BANK1: variants seen among roughly 807,000 people sequenced by gnomAD.
BANK1 encodes the protein B cell scaffold protein with ankyrin repeats 1.
Under a neutral mutation model 94.5 loss-of-function variants are expected in BANK1, and 95 were observed. The ratio of observed to expected loss-of-function variants is 1.00; its 90% confidence interval spans 0.85 to 1.19. The LOEUF is 1.19. BANK1 is among the 50% of genes most tolerant of loss of function. BANK1 has a pLI of 0.00. For missense variants in BANK1, 987 were observed against 932.2 expected (o/e 1.06, Z -0.77); for synonymous variants, 334 against 308.4 (o/e 1.08, Z -0.87).
At chr4:102,027,052 T>C (rs546297830) in intron 9 of BANK1, among the ~76,000 whole-genome samples, 9 of 152,278 alleles carry the variant, frequency 5.9e-5, no homozygotes. Flanking sequence ...CCTCAACATT[T>C]ATCCATGAAG....
At chr4:101,897,739 G>A (rs1345042179) in intron 6 of BANK1, among the ~76,000 whole-genome samples, 2 of 151,922 alleles carry the variant, frequency 1.3e-5, no homozygotes, top group Non-Finnish European at 2.9e-5. Context: ...CTGGGAGTAG[G>A]TCCCAGCCAT....
intron 4 of BANK1, among the ~76,000 whole-genome samples, chr4:101,870,107 A>G (rs1304051020): frequency 1.3e-5 from 2 of 151,962 alleles, no homozygotes; most frequent in Non-Finnish European, 2.9e-5. Context: ...CTTGCCTGTA[A>G]TTAATTAAAT....
At chr4:101,955,964 C>G (rs557354745) in intron 7 of BANK1, among the ~76,000 whole-genome samples, 3 of 152,028 alleles carry the variant, frequency 2.0e-5, no homozygotes, top group African/African-American at 7.2e-5. Context: ...ACATACAGCA[C>G]AATATTTGTA....
chr4:102,035,485 A>G lies in BANK1; in HGVS notation c.1900+5220A>G, dbSNP rs555365822. 5.3e-5 allele frequency among the ~76,000 whole-genome samples: 8 copies of G among 152,172 alleles called. No individual in the cohort carries two copies. In the South Asian group the frequency reaches 1.5e-3, roughly 28 times the overall value. On this transcript the variant is annotated intron_variant, in intron 10 of 16. Coordinates refer to ENST00000322953, the MANE Select transcript of BANK1 (RefSeq NM_017935.5). Reference sequence around the variant, plus strand: ...AACACGGTGAAACCCCGTCTCTACTAAAAATACAAAAAATTAGCCGGGCAT... The same window carrying G: ...AACACGGTGAAACCCCGTCTCTACTGAAAATACAAAAAATTAGCCGGGCAT...
chr4:101,850,836 C>T (rs1056487674), intron 2 of BANK1, among the ~76,000 whole-genome samples: 30 of 152,204 alleles, frequency 2.0e-4, no homozygotes, highest in Non-Finnish European at 4.4e-4. Flanking sequence ...ATGGACTGCA[C>T]CCATACAAGA....
chr4:101,902,846 G>A (rs1560624633), intron 6 of BANK1, among the ~76,000 whole-genome samples: 1 of 152,196 alleles, frequency 6.6e-6, no homozygotes, highest in Admixed American at 6.5e-5. Flanking sequence ...CAAAGGTCCT[G>A]GAAGAGGTGT....
chr4:101,953,015 C>T (rs1169491094), intron 7 of BANK1, among the ~76,000 whole-genome samples: 3 of 152,014 alleles, frequency 2.0e-5, no homozygotes, highest in African/African-American at 4.8e-5. Context: ...GGGCTTTTGC[C>T]GACATCTGCA....
At chr4:101,831,358 G>A (rs982704135) in intron 2 of BANK1, among the ~76,000 whole-genome samples, 1 of 152,150 alleles carries the variant, frequency 6.6e-6, no homozygotes, top group African/African-American at 2.4e-5. Context: ...ACCCCAAATG[G>A]TTCGCTGGAA....
intron 1 of BANK1, among the ~76,000 whole-genome samples, chr4:101,795,108 C>G (rs534555118): frequency 1.3e-5 from 2 of 151,672 alleles, no homozygotes; most frequent in African/African-American, 4.8e-5. Context: ...CTCCTTTGGT[C>G]GGGAACAATA....
intron 13 of BANK1, among the ~76,000 whole-genome samples, chr4:102,066,977 T>C (rs1728615699): frequency 6.6e-6 from 1 of 151,974 alleles, no homozygotes; most frequent in African/African-American, 2.4e-5. Flanking sequence ...CGTGGTAAAG[T>C]TTAAAGATTC....
chr4:102,026,639 A>G (rs1050977963), intron 9 of BANK1, among the ~76,000 whole-genome samples: 3 of 151,958 alleles, frequency 2.0e-5, no homozygotes, highest in Admixed American at 2.0e-4. Context: ...GACCAGTCTG[A>G]CCAACATGGT....
intron 7 of BANK1, among the ~76,000 whole-genome samples, chr4:101,921,870 C>T (rs1462200491): frequency 6.6e-6 from 1 of 151,804 alleles, no homozygotes; most frequent in Non-Finnish European, 1.5e-5. Context: ...GCTTTCCATG[C>T]ACATTCTCTA....
intron 7 of BANK1, among the ~76,000 whole-genome samples, chr4:102,007,082 AT>A (rs71600278): frequency 3.1e-5 from 2 of 65,036 alleles, no homozygotes; most frequent in South Asian, 3.3e-4. Flanking sequence ...ATATATATAA[AT>A]ATATATATAA....
intron 5 of BANK1, among the ~76,000 whole-genome samples, chr4:101,884,047 ACT>A (rs967080556): frequency 1.1e-4 from 16 of 152,172 alleles, no homozygotes; most frequent in African/African-American, 3.9e-4. Context: ...TAATTTGGAA[ACT>A]CTAAACTCTC....
chr4:101,920,237 G>A (rs1055194010), intron 7 of BANK1, among the ~76,000 whole-genome samples: 1 of 151,862 alleles, frequency 6.6e-6, no homozygotes, highest in Non-Finnish European at 1.5e-5. Context: ...TGTAGGAGGG[G>A]GCAGAGATAG....
At chr4:102,061,963 G>A (rs1226747727) in intron 12 of BANK1, 2 of 152,168 alleles carry the variant, frequency 1.3e-5, no homozygotes, top group Non-Finnish European at 2.9e-5. Context: ...AGAGGAATCA[G>A]TCAGTCCTTA....
chr4:101,944,034 G>A (rs1419695398), intron 7 of BANK1, among the ~76,000 whole-genome samples: 2 of 149,826 alleles, frequency 1.3e-5, no homozygotes, highest in African/African-American at 4.9e-5. Context: ...GTGTGTGTGT[G>A]TGTGTGAGAG....
intron 7 of BANK1, among the ~76,000 whole-genome samples, chr4:101,951,076 T>G (rs1724131739): frequency 6.6e-6 from 1 of 152,078 alleles, no homozygotes; most frequent in Non-Finnish European, 1.5e-5. Context: ...AGGTAAAAAC[T>G]AAGGAAATCT....
intron 10 of BANK1, chr4:102,036,585 G>T (rs1175855673): frequency 6.6e-6 from 1 of 152,130 alleles, no homozygotes; most frequent in Non-Finnish European, 1.5e-5. Flanking sequence ...ATCATTATTT[G>T]TAAGCCTCAT....
Sources: allele counts gnomAD v4.1 joint callset (sites outside exome capture counted in the v4.1 genomes callset), GRCh38; gene constraint gnomAD v4.1.1; transcripts MANE v1.5; gene names NCBI Gene and HGNC (gene_info 2026-07-23, HGNC 2026-07-21).